Variants in CUL2 observed in about 807,000 individuals in gnomAD.
CUL2 encodes cullin 2.
CUL2 carries 22 observed loss-of-function variants against 110.2 expected under a neutral mutation model. The observed-to-expected ratio is 0.20, with a 90% CI of 0.14 to 0.28. The LOEUF (loss-of-function observed/expected upper bound fraction) is 0.28. CUL2 is among the 10% of genes least tolerant of loss of function. The pLI is 1.00. For missense variants in CUL2, 631 were observed against 905.5 expected, an observed-to-expected ratio of 0.70 and a Z score of 3.89; for synonymous variants, 279 against 293.2, an observed-to-expected ratio of 0.95 and a Z score of 0.49.
intron 20 of CUL2, among the ~76,000 whole-genome samples, chr10:35,011,357 C>A (rs896023845): frequency 6.6e-6 from 1 of 151,972 alleles, no homozygotes; most frequent in East Asian, 1.9e-4. Flanking sequence ...GTGGCTCACA[C>A]CTGTAACCCC....
At chr10:35,046,891 TCAAAACAAAACAAAA>T (rs59042466) in intron 6 of CUL2, among the ~76,000 whole-genome samples, 50 of 149,950 alleles carry the variant, frequency 3.3e-4, no homozygotes, top group Admixed American at 1.2e-3. Context: ...AGACTCTGTC[TCAAAACAAAACAAAA>T]CAAAACAAAA....
At chr10:35,102,844 C>T (rs2087401529) in intron 1 of CUL2, among the ~76,000 whole-genome samples, 1 of 150,584 alleles carries the variant, frequency 6.6e-6, no homozygotes, top group African/African-American at 2.4e-5. Flanking sequence ...GATCACACCA[C>T]TGCACTCCAG....
intron 1 of CUL2, chr10:35,118,630 G>A (rs572268629): frequency 2.6e-5 from 4 of 152,150 alleles, no homozygotes; most frequent in African/African-American, 7.2e-5. Context: ...CTAGTTCTAC[G>A]TATTGTTTTA....
In CUL2 at chr10:35,035,164, C is replaced by A; in HGVS notation, c.1002+8G>T. ...GAGGAAAACATTGCAGTTTCCCACA[C>A]AACTCACGTTTTCCTGAGTAAGGTT... On this transcript the variant is annotated splice_region_variant and intron_variant, in intron 10 of 20. Transcript: ENST00000374749. 1 of 1,614,120 alleles carries A rather than the reference C, an allele frequency of 6.2e-7. No homozygotes were observed.
chr10:35,080,823 G>A (rs768531183), intron 1 of CUL2, among the ~76,000 whole-genome samples: 16 of 152,150 alleles, frequency 1.1e-4, no homozygotes, highest in Non-Finnish European at 2.2e-4. Flanking sequence ...GACATATGGT[G>A]TGTGCCAAAA....
At chr10:35,018,190 G>A (rs1329311443) in intron 17 of CUL2, among the ~76,000 whole-genome samples, 2 of 148,540 alleles carry the variant, frequency 1.3e-5, no homozygotes, top group Non-Finnish European at 3.0e-5. Context: ...GGGAGGCTGA[G>A]GCAGGAGAAT....
intron 1 of CUL2, among the ~76,000 whole-genome samples, chr10:35,104,273 C>G (rs1230803536): frequency 6.6e-6 from 1 of 152,148 alleles, no homozygotes; most frequent in Non-Finnish European, 1.5e-5. Flanking sequence ...ATGGAGAAAC[C>G]CTGTCTTTAG....
At chr10:35,110,229 A>G (rs1365191068) in intron 1 of CUL2, among the ~76,000 whole-genome samples, 1 of 152,224 alleles carries the variant, frequency 6.6e-6, no homozygotes, top group Non-Finnish European at 1.5e-5. Flanking sequence ...ATTGTTGGCT[A>G]GGGCTGCTAT....
At chr10:35,085,560 C>T (rs892649502) in intron 1 of CUL2, among the ~76,000 whole-genome samples, 5 of 151,358 alleles carry the variant, frequency 3.3e-5, no homozygotes, top group Non-Finnish European at 7.4e-5. Context: ...CTGGCTAACA[C>T]GGTGAAACTC....
chr10:35,026,991 C>T (rs1023006804), intron 16 of CUL2, among the ~76,000 whole-genome samples: 3 of 151,924 alleles, frequency 2.0e-5, no homozygotes, highest in African/African-American at 7.3e-5. Context: ...CCCCTCCTCC[C>T]AGACTAAACT....
intron 2 of CUL2, among the ~76,000 whole-genome samples, chr10:35,070,672 T>C (rs1263080121): frequency 6.6e-6 from 1 of 152,148 alleles, no homozygotes; most frequent in Non-Finnish European, 1.5e-5. Flanking sequence ...CTGAACTTGC[T>C]GTTCACTCTC....
In CUL2 at chr10:35,033,719, A is replaced by G. The variant is rs139611816; in HGVS notation, c.1003-446T>C. Among the ~76,000 whole-genome samples the G allele has an allele frequency of 2.1e-4, 32 of 151,192 alleles. No homozygotes were observed. In the East Asian group the frequency reaches 5.8e-3, roughly 28 times the overall value. On this transcript the variant is annotated intron_variant, in intron 10 of 20. Coordinates refer to ENST00000374749, the MANE Select transcript of CUL2 (RefSeq NM_003591.4). ...ACCACTGCACTCCAGCTTGGGCGAC[A>G]GAGTGAGACTCCGTCTCAGAAAAAC...
intron 1 of CUL2, among the ~76,000 whole-genome samples, chr10:35,075,635 A>AAAACAC (rs954674525): frequency 3.5e-5 from 5 of 140,894 alleles, no homozygotes; most frequent in African/African-American, 1.1e-4. Context: ...TGGGCCCTAA[A>AAAACAC]ACACACACAC....
At chr10:35,037,672 G>A (rs546725416) in intron 9 of CUL2, among the ~76,000 whole-genome samples, 11 of 151,946 alleles carry the variant, frequency 7.2e-5, no homozygotes, top group African/African-American at 2.4e-4. Flanking sequence ...GTGAAACCTC[G>A]TCTCTACTAA....
At chr10:35,086,199 A>G (rs2135062465) in intron 1 of CUL2, among the ~76,000 whole-genome samples, 1 of 152,100 alleles carries the variant, frequency 6.6e-6, no homozygotes, top group East Asian at 1.9e-4. Context: ...AAAAAAAAAA[A>G]AGAAACAAGA....
intron 18 of CUL2, 93 bp downstream of exon 18, chr10:35,016,099 T>A (rs2085025610): frequency 2.9e-6 from 3 of 1,046,100 alleles, no homozygotes; most frequent in Non-Finnish European, 4.2e-6. Flanking sequence ...CAGAGCACAA[T>A]AACAATTACA....
At chr10:35,029,028 G>T (rs2134707072) in intron 15 of CUL2, 141 bp from the exon 16 acceptor site, 4 of 572,062 alleles carry the variant, frequency 7.0e-6, no homozygotes, top group East Asian at 3.0e-5. Flanking sequence ...TTCTATCATG[G>T]CACATTTCAT....
At chr10:35,056,569 C>T (rs553649819) in intron 4 of CUL2, among the ~76,000 whole-genome samples, 19 of 152,098 alleles carry the variant, frequency 1.2e-4, no homozygotes, top group South Asian at 1.2e-3. Flanking sequence ...CATTCAACAT[C>T]GGCTGAGGGT....
chr10:35,035,126 T>C lies in CUL2; in HGVS notation c.1002+46A>G, dbSNP rs774439854. The C allele has an allele frequency of 2.5e-6, 4 of 1,610,730 alleles. No individual in the cohort carries two copies. The South Asian group carries it at 4.4e-5, about 18-fold the overall frequency. On this transcript the variant is annotated intron_variant, in intron 10 of 20. Transcript: ENST00000374749. ...TAAAGTCAAAGGAAAGGCTCCACGCTGGATCTGATTAGGAGGAAAACATTG... is the reference window on the plus strand; with the variant it reads ...TAAAGTCAAAGGAAAGGCTCCACGCCGGATCTGATTAGGAGGAAAACATTG...
Sources: gnomAD v4.1 joint callset for allele counts (sites outside exome capture counted in the v4.1 genomes callset) on GRCh38, gnomAD v4.1.1 for gene constraint, MANE v1.5 for transcripts, NCBI Gene and HGNC (gene_info 2026-07-23, HGNC 2026-07-21) for gene names.